Variants in RIMBP2 observed in about 807,000 individuals in gnomAD.
RIMBP2 encodes the protein RIMS-binding protein 2.
RIMBP2 carries 48 observed loss-of-function variants against 118.6 expected under a neutral mutation model. The observed-to-expected ratio is 0.40, with a 90% CI of 0.32 to 0.51. RIMBP2 has a LOEUF of 0.51. Ranked by LOEUF, RIMBP2 falls within the 20% of genes least tolerant of loss-of-function variation. The pLI, the probability that RIMBP2 is intolerant of heterozygous loss-of-function variation, is 0.41. For synonymous variants in RIMBP2, 762 were observed against 742.9 expected, an observed-to-expected ratio of 1.03 and a Z score of -0.42; for missense variants, 1,551 against 1,768.3, an observed-to-expected ratio of 0.88 and a Z score of 2.20.
chr12:130,580,175 G>T (rs919822985), intron 2 of RIMBP2, among the ~76,000 whole-genome samples: 1 of 149,996 alleles, frequency 6.7e-6, no homozygotes, highest in Admixed American at 6.7e-5. Context: ...TCCAGCCTGG[G>T]TGACAGAGCA....
chr12:130,424,553 G>A lies in RIMBP2; in HGVS notation c.2718C>T (p.Gly906=). The change falls in exon 16 of 23, where the codon GGC becomes GGT. Residue 906 remains glycine (G), a synonymous_variant. Coordinates refer to ENST00000690449, the MANE Select transcript of RIMBP2 (RefSeq NM_001393629.1). This position sits in a 1 kb window ranked among gnomAD's most constrained non-coding sequence, Gnocchi z 9.8. ...HVEDFLLEDR[G]CRFSRSATRS... ...GGGTGGCCGAGCGGCTGAACCGACA[G>A]CCCCTGTCTTCCAGAAGGAAGTCCT... The A allele has an allele frequency of 8.1e-7, 1 of 1,231,986 alleles. No homozygotes were observed. The highest frequency in any genetic ancestry group is 1.0e-6 in the Non-Finnish European group (1 of 987,842). 76.3% of individuals were successfully genotyped at this position (1,231,986 alleles called of 1,614,324 possible).
intron 19 of RIMBP2, among the ~76,000 whole-genome samples, chr12:130,411,113 C>T (rs112403744): frequency 6.6e-5 from 10 of 152,260 alleles, no homozygotes; most frequent in South Asian, 2.1e-4. Flanking sequence ...TCATTGTAAA[C>T]GGCACTACTT....
intron 22 of RIMBP2, 111 bp downstream of exon 22, chr12:130,399,568 G>C (rs2074331390): frequency 8.0e-7 from 1 of 1,257,420 alleles, no homozygotes; most frequent in African/African-American, 1.5e-5. Context: ...AAAATTCAGG[G>C]TGTATTTACG....
chr12:130,638,958 T>C (rs1369747293), intron 1 of RIMBP2, among the ~76,000 whole-genome samples: 6 of 152,106 alleles, frequency 3.9e-5, no homozygotes, highest in Non-Finnish European at 8.8e-5. Flanking sequence ...AATAATACAA[T>C]ATCAATATTG....
At chr12:130,402,041 C>G (rs1210729265) in intron 21 of RIMBP2, among the ~76,000 whole-genome samples, 1 of 152,206 alleles carries the variant, frequency 6.6e-6, no homozygotes, top group Non-Finnish European at 1.5e-5. Context: ...CTGGTTATTG[C>G]TCTTGTTCTT....
chr12:130,573,197 T>TA (rs2057817569), intron 2 of RIMBP2, among the ~76,000 whole-genome samples: 1 of 151,984 alleles, frequency 6.6e-6, no homozygotes, highest in Non-Finnish European at 1.5e-5. Flanking sequence ...TATCTATACT[T>TA]ATTCTATATT....
At chr12:130,524,662 G>A (rs2139202242) in intron 2 of RIMBP2, among the ~76,000 whole-genome samples, 1 of 152,312 alleles carries the variant, frequency 6.6e-6, no homozygotes, top group South Asian at 2.1e-4. Flanking sequence ...CTGCACTTGG[G>A]AAATACTGTC....
chr12:130,474,744 G>A (rs1463401243), intron 5 of RIMBP2, among the ~76,000 whole-genome samples: 2 of 152,162 alleles, frequency 1.3e-5, no homozygotes, highest in East Asian at 1.9e-4. Flanking sequence ...CATGGGGAGC[G>A]GGAGGAGTGG....
At chr12:130,496,600 AG>A (rs1262222292) in intron 4 of RIMBP2, among the ~76,000 whole-genome samples, 1 of 152,000 alleles carries the variant, frequency 6.6e-6, no homozygotes, top group East Asian at 1.9e-4. Flanking sequence ...ACCTCATGAA[AG>A]GCCACGTTCC....
Position 130,526,913 on chromosome 12 carries a change from G to C in RIMBP2, c.-216-8996C>G, listed in dbSNP as rs557798125. Among the ~76,000 whole-genome samples, 305 of 152,300 alleles carry C rather than the reference G, an allele frequency of 2.0e-3. 7 individuals carry two copies. The Middle Eastern group carries it at 0.027, about 14-fold the overall frequency. ...TGGGTGGGAGAGTAAAGTGAAGGAA[G>C]GGAAGGGAAGAAAAGCCGCTGGTGG... On this transcript the variant is annotated intron_variant, in intron 2 of 22. Coordinates refer to ENST00000690449, the MANE Select transcript of RIMBP2 (RefSeq NM_001393629.1).
intron 1 of RIMBP2, among the ~76,000 whole-genome samples, chr12:130,680,724 G>A (rs1436023127): frequency 6.6e-6 from 1 of 152,210 alleles, no homozygotes; most frequent in Non-Finnish European, 1.5e-5. Flanking sequence ...GTAGGGGCCA[G>A]GGACATTGCT....
At chr12:130,611,282 G>C (rs990381227) in intron 2 of RIMBP2, among the ~76,000 whole-genome samples, 1 of 152,212 alleles carries the variant, frequency 6.6e-6, no homozygotes, top group Non-Finnish European at 1.5e-5. Flanking sequence ...CCCCACAGGG[G>C]AAGCACTCAG....
chr12:130,410,975 T>C (rs1357163980), intron 19 of RIMBP2, among the ~76,000 whole-genome samples: 1 of 152,328 alleles, frequency 6.6e-6, no homozygotes, highest in East Asian at 1.9e-4. Context: ...ATTAAGTCCA[T>C]GAATATGATC....
chr12:130,689,658 A>G (rs2065225455), intron 1 of RIMBP2, among the ~76,000 whole-genome samples: 1 of 152,156 alleles, frequency 6.6e-6, no homozygotes, highest in African/African-American at 2.4e-5. Flanking sequence ...GGACGGGCCC[A>G]TCAACACTTC....
At chr12:130,402,169 A>G (rs2136295226) in intron 21 of RIMBP2, among the ~76,000 whole-genome samples, 1 of 152,278 alleles carries the variant, frequency 6.6e-6, no homozygotes, top group East Asian at 1.9e-4. Context: ...CAAAGTGACG[A>G]CGGGACTTGC....
At chr12:130,644,263 G>A (rs893134855) in intron 1 of RIMBP2, among the ~76,000 whole-genome samples, 8 of 152,148 alleles carry the variant, frequency 5.3e-5, no homozygotes, top group African/African-American at 1.9e-4. Flanking sequence ...AGGCAGAGAG[G>A]GTGCTGTGAG....
chr12:130,607,321 G>A (rs916597799), intron 2 of RIMBP2, among the ~76,000 whole-genome samples: 18 of 152,130 alleles, frequency 1.2e-4, no homozygotes, highest in African/African-American at 3.9e-4. Flanking sequence ...GTTTCCAGGC[G>A]GGGAGAAAGG....
chr12:130,664,537 C>T (rs1164529882), intron 1 of RIMBP2, among the ~76,000 whole-genome samples: 4 of 150,594 alleles, frequency 2.7e-5, no homozygotes, highest in Non-Finnish European at 5.9e-5. Context: ...GGTCATGACA[C>T]CTCGGCTGTC....
chr12:130,659,186 A>G (rs1406839680), intron 1 of RIMBP2, among the ~76,000 whole-genome samples: 1 of 152,266 alleles, frequency 6.6e-6, no homozygotes, highest in African/African-American at 2.4e-5. Context: ...CCTTAAAAAA[A>G]GTGGAAAGTA....
Sources: gnomAD v4.1 joint callset for allele counts (sites outside exome capture counted in the v4.1 genomes callset) on GRCh38, gnomAD v4.1.1 for gene constraint, Gnocchi (gnomAD v3.1) non-coding constraint, MANE v1.5 for transcripts, NCBI Gene and HGNC (gene_info 2026-07-23, HGNC 2026-07-21) for gene names.